TLK2: variants seen among roughly 807,000 people sequenced by gnomAD.
TLK2 encodes serine/threonine-protein kinase tousled-like 2.
TLK2 carries 6 observed loss-of-function variants against 117.3 expected under a neutral mutation model. That is an observed-to-expected ratio of 0.05 (90% CI 0.03 to 0.10). TLK2 has a LOEUF of 0.10. TLK2 is among the 10% of genes least tolerant of loss of function. The pLI, the probability that TLK2 is intolerant of heterozygous loss-of-function variation, is 1.00. For synonymous variants in TLK2, 257 were observed against 316.7 expected, an observed-to-expected ratio of 0.81 and a Z score of 2.00; for missense variants, 299 against 901.2, an observed-to-expected ratio of 0.33 and a Z score of 8.56.
chr17:62,538,034 T>TG (rs1491427059), intron 7 of TLK2, among the ~76,000 whole-genome samples: 1 of 53,316 alleles, frequency 1.9e-5, no homozygotes, highest in East Asian at 3.9e-4. Flanking sequence ...TAAATCTTTG[T>TG]TTTTTTTTTT....
At chr17:62,600,357 T>G (rs1445051567) in intron 17 of TLK2, 1 of 242,244 alleles carries the variant, frequency 4.1e-6, no homozygotes, top group African/African-American at 2.2e-5. Context: ...CTTAAATACA[T>G]TATAGTTCTT....
intron 6 of TLK2, among the ~76,000 whole-genome samples, chr17:62,534,127 A>G (rs912584114): frequency 3.9e-5 from 6 of 152,144 alleles, no homozygotes; most frequent in Non-Finnish European, 7.4e-5. Flanking sequence ...TTTCCCTGAT[A>G]CTTTTTCTCA....
chr17:62,501,892 A>C (rs979264671), intron 2 of TLK2, among the ~76,000 whole-genome samples: 3 of 152,152 alleles, frequency 2.0e-5, no homozygotes, highest in African/African-American at 7.2e-5. Flanking sequence ...GCCTGAACCC[A>C]GGAGGTTGAG....
At chr17:62,596,110 G>A (rs779663325) in intron 16 of TLK2, among the ~76,000 whole-genome samples, 16 of 152,042 alleles carry the variant, frequency 1.1e-4, no homozygotes, top group African/African-American at 2.4e-4. Context: ...ATAGAGTCTC[G>A]CTCTGTCACC....
At chr17:62,517,468 C>T (rs1214347381) in intron 2 of TLK2, among the ~76,000 whole-genome samples, 1 of 152,148 alleles carries the variant, frequency 6.6e-6, no homozygotes. Flanking sequence ...GATCTCAGCT[C>T]ACTGCAAGCT....
chr17:62,525,598 A>C (rs1025625449), intron 6 of TLK2, among the ~76,000 whole-genome samples: 1 of 152,006 alleles, frequency 6.6e-6, no homozygotes, highest in Non-Finnish European at 1.5e-5. Flanking sequence ...ACAGGCATGT[A>C]CCACTACGCC....
At chr17:62,559,413 C>CT (rs1271228938) in intron 9 of TLK2, among the ~76,000 whole-genome samples, 1 of 147,944 alleles carries the variant, frequency 6.8e-6, no homozygotes, top group Non-Finnish European at 1.5e-5. Flanking sequence ...AAGTCTTACT[C>CT]TGTCACCTAG....
In TLK2 at chr17:62,519,870, A is replaced by G. The variant is rs138893346; in HGVS notation, c.82-903A>G. On this transcript the variant is annotated intron_variant, in intron 2 of 21. Transcript: ENST00000346027. The stretch of plus-strand genomic sequence containing the variant: ...GTCTCTCCTACAAACTAGCCAGTCT[A>G]CAGTCTAGGCTGTATCTTCATTACA... Among the ~76,000 whole-genome samples the G allele has an allele frequency of 2.6e-3, 395 of 152,282 alleles. 2 individuals are homozygous for G. The highest frequency in any genetic ancestry group is 9.0e-3 in the African/African-American group (372 of 41,536).
chr17:62,535,892 A>T (rs2077079901), intron 6 of TLK2, among the ~76,000 whole-genome samples: 1 of 152,162 alleles, frequency 6.6e-6, no homozygotes. Flanking sequence ...TATGAAGTTG[A>T]TTTGTAGAAT....
chr17:62,487,507 C>A (rs9675049), intron 2 of TLK2, among the ~76,000 whole-genome samples: 144,722 of 144,722 alleles, frequency 1, 72,361 homozygotes, highest in Non-Finnish European at 1. Flanking sequence ...CAACAGAGTG[C>A]GCCTCCGTCT....
intron 2 of TLK2, among the ~76,000 whole-genome samples, chr17:62,491,649 C>T (rs1372235379): frequency 6.6e-6 from 1 of 152,172 alleles, no homozygotes; most frequent in Non-Finnish European, 1.5e-5. Context: ...AGTGCAGTAG[C>T]GTGATCTCGG....
At chr17:62,516,544 C>G (rs2075608057) in intron 2 of TLK2, 4 of 1,609,342 alleles carry the variant, frequency 2.5e-6, no homozygotes, top group Non-Finnish European at 2.5e-6. Flanking sequence ...ATACTGGATA[C>G]ACTCATTGGT....
chr17:62,565,063 C>T lies in TLK2; in HGVS notation c.894C>T (p.His298=), dbSNP rs150172335. 2 of 1,614,106 alleles carry T rather than the reference C, an allele frequency of 1.2e-6. No individual in the cohort carries two copies. Among genetic ancestry groups the T allele is most frequent in the Non-Finnish European group, 1.7e-6 (2 of 1,180,018 alleles). The stretch of plus-strand genomic sequence containing the variant: ...TGCAAGACCGCTTGAGACTGGGCCA[C>T]TTTACTACTGTCCGACACGGAGCCT... The part of the protein sequence containing the change: ...KSMQDRLRLG[H]FTTVRHGASF... Residue 298 remains histidine (H), a synonymous_variant, in exon 11 of 22, where the codon CAC becomes CAT. Coordinates refer to ENST00000346027, the MANE Select transcript of TLK2 (RefSeq NM_006852.6).
chr17:62,600,103 T>G (rs1235122968), intron 17 of TLK2, among the ~76,000 whole-genome samples: 2 of 152,200 alleles, frequency 1.3e-5, no homozygotes, highest in Non-Finnish European at 2.9e-5. Context: ...TGCAGTCAGT[T>G]TTTGGGACGT....
intron 6 of TLK2, among the ~76,000 whole-genome samples, chr17:62,534,711 T>G (rs2076989142): frequency 6.6e-6 from 1 of 152,114 alleles, no homozygotes; most frequent in East Asian, 1.9e-4. Context: ...ATTTTTTTCT[T>G]TTTTACATTG....
At chr17:62,567,404 TG>T in intron 11 of TLK2, among the ~76,000 whole-genome samples, 1 of 152,190 alleles carries the variant, frequency 6.6e-6, no homozygotes, top group South Asian at 2.1e-4. Context: ...AGTGAGACTA[TG>T]TAAATGAAAT....
At chr17:62,513,723 C>G (rs918071368) in intron 2 of TLK2, among the ~76,000 whole-genome samples, 20 of 152,108 alleles carry the variant, frequency 1.3e-4, no homozygotes, top group African/African-American at 4.8e-4. Context: ...GAGTCTGGCT[C>G]TGTCACCCAG....
chr17:62,544,826 C>G (rs975296971), intron 7 of TLK2, among the ~76,000 whole-genome samples: 5 of 152,178 alleles, frequency 3.3e-5, no homozygotes, highest in African/African-American at 4.8e-5. Context: ...TTAAGTCTTT[C>G]AATCCATGAA....
At chr17:62,580,000 C>A in intron 14 of TLK2, 111 bp from the exon 15 acceptor site, 1 of 736,772 alleles carries the variant, frequency 1.4e-6, no homozygotes, top group Admixed American at 2.9e-5. Context: ...GTCAAACTAC[C>A]AACAGCAGCT....
Sources: gnomAD v4.1 joint callset for allele counts (sites outside exome capture counted in the v4.1 genomes callset) on GRCh38, gnomAD v4.1.1 for gene constraint, MANE v1.5 for transcripts, NCBI Gene and HGNC (gene_info 2026-07-23, HGNC 2026-07-21) for gene names.